Variants in SNX14 observed in about 807,000 individuals in gnomAD.
SNX14 encodes the protein sorting nexin-14.
A neutral mutation model predicts 133.8 loss-of-function variants in SNX14; 93 were observed. That is an observed-to-expected ratio of 0.70 (90% CI 0.59 to 0.83). The LOEUF is 0.83. Among genes scored for constraint, SNX14 ranks in the 40% least tolerant of loss-of-function variants. The pLI, the probability that SNX14 is intolerant of heterozygous loss-of-function variation, is 0.00. For missense variants in SNX14, 945 were observed against 1,094.9 expected, an observed-to-expected ratio of 0.86 and a Z score of 1.93; for synonymous variants, 368 against 365.6, an observed-to-expected ratio of 1.01 and a Z score of -0.07.
intron 17 of SNX14, among the ~76,000 whole-genome samples, chr6:85,535,549 G>A (rs1256869526): frequency 2.8e-5 from 4 of 142,702 alleles, no homozygotes; most frequent in Non-Finnish European, 6.0e-5. Context: ...AGGTTGCAGT[G>A]AGCTGAGATC....
At position 85,505,979 on chromosome 6, in the gene SNX14, T is replaced by G. The variant is rs1176156264; in HGVS notation, c.2829A>C (p.Thr943=). 2 of 1,601,070 alleles carry G rather than the reference T, an allele frequency of 1.2e-6. No individual in the cohort carries two copies. Among genetic ancestry groups the G allele is most frequent in the South Asian group, 2.2e-5 (2 of 90,772 alleles). The change falls in exon 29 of 29, where the codon ACA becomes ACC. Residue 943 remains threonine (T), a synonymous_variant. Coordinates refer to ENST00000314673, the MANE Select transcript of SNX14 (RefSeq NM_153816.6). ...NKVQKEVTSV[T]SWM is the part of the protein sequence containing the mutation. ...CAAATCCAAGTGTTTACATCCAAGA[T>G]GTCACAGAGGTAACTTCCTTTTGTA...
rs952322260 is a variant in SNX14, at chr6:85,505,693, A to G, written c.*274T>C. 13 of 405,768 alleles carry G rather than the reference A, an allele frequency of 3.2e-5. No homozygotes were observed. The highest frequency in any genetic ancestry group is 5.7e-5 in the Non-Finnish European group (13 of 228,680). 25.1% of individuals were successfully genotyped at this position (405,768 alleles called of 1,614,324 possible). A position where few individuals can be genotyped will look rare whatever the true frequency, so the allele number is the denominator to read the frequency against. ...AGTTTATCAGTCTTATCTGTTTGCC[A>G]TAACATCATTATGAATTTTCTCTTT... is the stretch of plus-strand genomic sequence containing the variant. On this transcript the variant is annotated 3_prime_UTR_variant, in exon 29 of 29. Coordinates refer to ENST00000314673, the MANE Select transcript of SNX14 (RefSeq NM_153816.6).
At chr6:85,525,300 G>C (rs968194088) in intron 21 of SNX14, among the ~76,000 whole-genome samples, 1 of 151,886 alleles carries the variant, frequency 6.6e-6, no homozygotes, top group African/African-American at 2.4e-5. Context: ...CTTTACAATA[G>C]TACTAGTAGA....
chr6:85,587,203 A>G (rs1235739652), intron 1 of SNX14, among the ~76,000 whole-genome samples: 2 of 127,334 alleles, frequency 1.6e-5, no homozygotes. Flanking sequence ...TTAAAAAGAT[A>G]AGGCAAAAAA....
chr6:85,533,892 C>T (rs1781026077), intron 17 of SNX14, 92 bp from the exon 18 acceptor site: 2 of 963,542 alleles, frequency 2.1e-6, no homozygotes, highest in South Asian at 3.4e-5. Context: ...ATGCCCATAT[C>T]AATTGATAAT....
At chr6:85,511,561 A>G (rs761934040) in intron 26 of SNX14, among the ~76,000 whole-genome samples, 2 of 152,226 alleles carry the variant, frequency 1.3e-5, no homozygotes, top group Non-Finnish European at 2.9e-5. Context: ...TTCTTTATCA[A>G]GTTGAGGATG....
At chr6:85,536,751 T>A (rs201544497) in intron 17 of SNX14, 41 bp downstream of exon 17, 21 of 1,584,028 alleles carry the variant, frequency 1.3e-5, no homozygotes, top group Non-Finnish European at 1.8e-5. Context: ...TCATAGTAAG[T>A]CTGAAGTTAT....
rs143233593 is a variant in SNX14 at position 85,521,813 on chromosome 6, CCTAGA to C, written c.2108-3770_2108-3766del. Among the ~76,000 whole-genome samples, 745 of 152,282 alleles carry C rather than the reference CCTAGA, an allele frequency of 4.9e-3. 2 individuals carry two copies. Among genetic ancestry groups the C allele is most frequent in the Middle Eastern group, 0.01 (3 of 294 alleles). ...TGAAGTCTTAGCCATAAGATCTTTGCCTAGACTAAAGTCGAGAAGCATCCTCCCCT... is the reference window on the plus strand; with the variant it reads ...TGAAGTCTTAGCCATAAGATCTTTGCCTAAAGTCGAGAAGCATCCTCCCCT... On this transcript the variant is annotated intron_variant, in intron 21 of 28. Transcript: ENST00000314673.
At chr6:85,583,102 C>T (rs372337147) in intron 1 of SNX14, among the ~76,000 whole-genome samples, 2 of 152,188 alleles carry the variant, frequency 1.3e-5, no homozygotes, top group Admixed American at 1.3e-4. Context: ...GCTGGTTCAA[C>T]ATACACAAAT....
At chr6:85,539,763 T>C (rs916923787) in intron 15 of SNX14, among the ~76,000 whole-genome samples, 6 of 151,850 alleles carry the variant, frequency 4.0e-5, no homozygotes, top group Non-Finnish European at 7.4e-5. Context: ...TAAAAAGTCA[T>C]AATCAGTATC....
chr6:85,554,433 A>G (rs1014927649), intron 7 of SNX14, among the ~76,000 whole-genome samples: 6 of 152,158 alleles, frequency 3.9e-5, no homozygotes, highest in Admixed American at 3.3e-4. Flanking sequence ...GACAGTAAAG[A>G]CAACTATGGA....
rs112193129 is a variant in SNX14, at chr6:85,555,755, C to A, written c.634+2221G>T. ...CTGTAATCTCAGCATTTTGGGAGGCCAAGGCGTGTGGATCAGCTGAGGTCA... is the reference window on the plus strand; with the variant it reads ...CTGTAATCTCAGCATTTTGGGAGGCAAAGGCGTGTGGATCAGCTGAGGTCA... On this transcript the variant is annotated intron_variant, in intron 7 of 28. Transcript: ENST00000314673. 4.3e-3 allele frequency among the ~76,000 whole-genome samples: 652 copies of A among 152,096 alleles called. 6 individuals carry two copies. The highest frequency in any genetic ancestry group is 0.015 in the African/African-American group (620 of 41,510).
chr6:85,532,402 T>G (rs1780570604), intron 18 of SNX14, among the ~76,000 whole-genome samples: 1 of 152,226 alleles, frequency 6.6e-6, no homozygotes, highest in Non-Finnish European at 1.5e-5. Context: ...CTAGCTACTC[T>G]GGGCATTCTT....
At chr6:85,566,493 T>C (rs1250913970) in intron 5 of SNX14, among the ~76,000 whole-genome samples, 1 of 150,490 alleles carries the variant, frequency 6.6e-6, no homozygotes, top group Non-Finnish European at 1.5e-5. Context: ...AAGTCGGGAG[T>C]TTGAGACCAG....
chr6:85,509,122 G>A (rs191054040), intron 26 of SNX14, among the ~76,000 whole-genome samples: 111 of 152,306 alleles, frequency 7.3e-4, no homozygotes, highest in African/African-American at 2.5e-3. Flanking sequence ...CTAAGTAAGA[G>A]ATGAGGAGCA....
At chr6:85,541,224 C>A (rs1783627246) in intron 15 of SNX14, among the ~76,000 whole-genome samples, 1 of 152,156 alleles carries the variant, frequency 6.6e-6, no homozygotes, top group Non-Finnish European at 1.5e-5. Flanking sequence ...AACTCCTGAC[C>A]TCAAGTGATC....
intron 7 of SNX14, among the ~76,000 whole-genome samples, chr6:85,556,342 T>C (rs750124606): frequency 6.6e-6 from 1 of 152,122 alleles, no homozygotes; most frequent in Non-Finnish European, 1.5e-5. Context: ...GGCAGGCAGA[T>C]TGCTTGTGCC....
intron 21 of SNX14, among the ~76,000 whole-genome samples, chr6:85,522,692 T>G (rs1390547344): frequency 6.6e-6 from 1 of 152,214 alleles, no homozygotes; most frequent in Non-Finnish European, 1.5e-5. Flanking sequence ...TAAATCTGAT[T>G]AGGTTTCATT....
intron 7 of SNX14, among the ~76,000 whole-genome samples, chr6:85,552,068 G>C (rs892251609): frequency 2.2e-4 from 28 of 126,790 alleles, no homozygotes; most frequent in African/African-American, 8.4e-4. Context: ...ACGGAGTCTC[G>C]CTCTGTCGCC....
Sources: allele counts gnomAD v4.1 joint callset (sites outside exome capture counted in the v4.1 genomes callset), GRCh38; gene constraint gnomAD v4.1.1; transcripts MANE v1.5; gene names NCBI Gene and HGNC (gene_info 2026-07-23, HGNC 2026-07-21).